ELOVL6: variants seen among roughly 807,000 people sequenced by gnomAD.
ELOVL6 encodes ELOVL fatty acid elongase 6, also known as very long chain fatty acid elongase 6.
ELOVL6 carries 8 observed loss-of-function variants against 31.7 expected under a neutral mutation model. The observed-to-expected ratio is 0.25, with a 90% CI of 0.15 to 0.45. The LOEUF is 0.45. Among genes scored for constraint, ELOVL6 ranks in the 20% least tolerant of loss-of-function variants. The pLI, the probability that ELOVL6 is intolerant of heterozygous loss-of-function variation, is 1.00. For synonymous variants in ELOVL6, 101 were observed against 117.7 expected (o/e 0.86, Z 0.92); for missense variants, 126 against 326.4 (o/e 0.39, Z 4.73).
chr4:110,058,449 T>G (rs1253456650), intron 3 of ELOVL6, among the ~76,000 whole-genome samples: 1 of 152,144 alleles, frequency 6.6e-6, no homozygotes, highest in Non-Finnish European at 1.5e-5. Flanking sequence ...CTCAAACCAA[T>G]TGTCATCTAC....
chr4:110,077,251 C>T (rs1755667764), intron 2 of ELOVL6, among the ~76,000 whole-genome samples: 1 of 152,184 alleles, frequency 6.6e-6, no homozygotes, highest in South Asian at 2.1e-4. Context: ...GTGGTTCTCC[C>T]AGCACGCAGC....
intron 1 of ELOVL6, among the ~76,000 whole-genome samples, chr4:110,146,204 A>T (rs1040657034): frequency 2.4e-4 from 36 of 152,264 alleles, no homozygotes; most frequent in African/African-American, 8.2e-4. Flanking sequence ...CAGCCAACTG[A>T]TTTTTGGCAA....
intron 2 of ELOVL6, among the ~76,000 whole-genome samples, chr4:110,064,116 A>C (rs960556632): frequency 2.0e-5 from 3 of 151,992 alleles, no homozygotes; most frequent in Non-Finnish European, 4.4e-5. Context: ...AGAAAAAGAA[A>C]TATACCATAC....
Position 110,198,277 on chromosome 4 carries a change from T to C in ELOVL6, c.59A>G (p.Asn20Ser), listed in dbSNP as rs1164260595. 6.2e-7 allele frequency: 1 copy of C among 1,611,668 alleles called. No individual in the cohort carries two copies. Among genetic ancestry groups the C allele is most frequent in the South Asian group, 1.1e-5 (1 of 91,030 alleles). Residue 20 changes from asparagine (N) to serine (S), a missense_variant, in exon 1 of 4, where the codon AAT becomes AGT. Asn to Ser is a conservative substitution (Grantham distance 46). Around this residue, in one of 3 missense-constraint regions of ELOVL6, gnomAD observed 16 missense variants for 22.8 expected, o/e 0.70. Coordinates refer to ENST00000302274, the MANE Select transcript of ELOVL6 (RefSeq NM_024090.3). ...EYEFEKQFNE[N>S]EAIQWMQENW... ...TTCCTGCATCCATTGGATGGCTTCA[T>C]TCTCGTTGAACTGCTTTTCGAATTC...
intron 3 of ELOVL6, among the ~76,000 whole-genome samples, chr4:110,053,650 C>CA (rs1754893816): frequency 6.6e-6 from 1 of 152,018 alleles, no homozygotes; most frequent in Admixed American, 6.6e-5. Flanking sequence ...ACTAAAAATA[C>CA]AAAAATTAGG....
At chr4:110,131,155 A>G (rs1314121616) in intron 1 of ELOVL6, among the ~76,000 whole-genome samples, 4 of 152,240 alleles carry the variant, frequency 2.6e-5, no homozygotes, top group African/African-American at 9.6e-5. Context: ...TGATGTTCTA[A>G]TCCCTGTTGC....
At chr4:110,122,182 G>A (rs938288721) in intron 1 of ELOVL6, among the ~76,000 whole-genome samples, 2 of 152,154 alleles carry the variant, frequency 1.3e-5, no homozygotes, top group Non-Finnish European at 2.9e-5. Flanking sequence ...GGACACAAGT[G>A]TGCAAGACTA....
At chr4:110,151,759 C>T (rs1312113738) in intron 1 of ELOVL6, among the ~76,000 whole-genome samples, 2 of 152,192 alleles carry the variant, frequency 1.3e-5, no homozygotes, top group Non-Finnish European at 2.9e-5. Context: ...GACTTAACAC[C>T]TGCTTCTCCC....
intron 2 of ELOVL6, 94 bp from the exon 3 acceptor site, chr4:110,059,848 G>T: frequency 9.7e-7 from 1 of 1,034,256 alleles, no homozygotes; most frequent in Non-Finnish European, 1.4e-6. Flanking sequence ...CCACTGGCAG[G>T]AAATAGGCAT....
chr4:110,071,316 C>T (rs532715771), intron 2 of ELOVL6, among the ~76,000 whole-genome samples: 1 of 152,268 alleles, frequency 6.6e-6, no homozygotes. Context: ...TAGCACAAAG[C>T]ATACCAAAGA....
rs778469368 is a variant in ELOVL6 at position 110,198,528 on chromosome 4, C to T, written c.-193G>A. On this transcript the variant is annotated 5_prime_UTR_variant, in exon 1 of 4. Coordinates refer to ENST00000302274, the MANE Select transcript of ELOVL6 (RefSeq NM_024090.3). The stretch of plus-strand genomic sequence containing the variant: ...ATCCAGGGCTGAGCATTGCCTGCGC[C>T]TCCGCTCCCAGCTCCTCTCTCTGGG... The T allele has an allele frequency of 6.1e-5, 33 of 544,784 alleles. No homozygotes were observed. The highest frequency in any genetic ancestry group is 3.5e-4 in the Admixed American group (10 of 28,734). The allele number at this position is 544,784 out of a possible 1,614,324, so 33.7% of individuals were successfully genotyped here.
intron 1 of ELOVL6, among the ~76,000 whole-genome samples, chr4:110,196,113 CAG>C (rs1261030410): frequency 1.3e-5 from 2 of 152,034 alleles, no homozygotes; most frequent in African/African-American, 4.8e-5. Context: ...GAAGTGGCCT[CAG>C]AGAAAAAGCA....
At chr4:110,080,612 G>A (rs56883725) in intron 2 of ELOVL6, among the ~76,000 whole-genome samples, 9,972 of 152,102 alleles carry the variant, frequency 0.066, 919 homozygotes, top group African/African-American at 0.21. Context: ...ACAGCTATCC[G>A]TGACAAACCC....
chr4:110,068,657 C>G (rs960975853), intron 2 of ELOVL6, among the ~76,000 whole-genome samples: 3 of 152,172 alleles, frequency 2.0e-5, no homozygotes, highest in African/African-American at 7.2e-5. Flanking sequence ...TAGATAATAA[C>G]TCCCTTGCTT....
chr4:110,124,285 A>G (rs1406672724), intron 1 of ELOVL6, among the ~76,000 whole-genome samples: 4 of 152,228 alleles, frequency 2.6e-5, no homozygotes. Context: ...TATTCACAAT[A>G]GCAAAACATG....
At chr4:110,067,385 C>T (rs1356856190) in intron 2 of ELOVL6, among the ~76,000 whole-genome samples, 2 of 152,136 alleles carry the variant, frequency 1.3e-5, no homozygotes, top group Non-Finnish European at 2.9e-5. Flanking sequence ...CTAGTAATTC[C>T]ACTGTTGGAA....
chr4:110,082,502 C>T (rs1261092005), intron 2 of ELOVL6, among the ~76,000 whole-genome samples: 2 of 151,902 alleles, frequency 1.3e-5, no homozygotes, highest in Non-Finnish European at 2.9e-5. Context: ...GGACAAAAAA[C>T]CAAACACCAC....
At chr4:110,118,430 T>G (rs1164978778) in intron 1 of ELOVL6, among the ~76,000 whole-genome samples, 1 of 152,182 alleles carries the variant, frequency 6.6e-6, no homozygotes, top group Non-Finnish European at 1.5e-5. Flanking sequence ...CTTCACCCAG[T>G]ATGGGACAAT....
chr4:110,105,677 A>G, intron 1 of ELOVL6, 49 bp from the exon 2 acceptor site: 1 of 1,566,142 alleles, frequency 6.4e-7, no homozygotes, highest in Non-Finnish European at 8.7e-7. Flanking sequence ...TCATTAGGAA[A>G]CACCAAATTT....
Sources: allele counts gnomAD v4.1 joint callset (sites outside exome capture counted in the v4.1 genomes callset), GRCh38; gene constraint gnomAD v4.1.1; regional missense constraint gnomAD v4.1.1; transcripts MANE v1.5; gene names NCBI Gene and HGNC (gene_info 2026-07-23, HGNC 2026-07-21).